CTBP2: variants seen among roughly 807,000 people sequenced by gnomAD.
The protein encoded by CTBP2 is C-terminal-binding protein 2.
A neutral mutation model predicts 80.3 loss-of-function variants in CTBP2; 30 were observed. That is an observed-to-expected ratio of 0.37 (90% CI 0.28 to 0.51). CTBP2 has a LOEUF of 0.51. Among genes scored for constraint, CTBP2 ranks in the 20% least tolerant of loss-of-function variants. CTBP2 has a pLI of 0.93. For synonymous variants in CTBP2, 594 were observed against 587.4 expected, an observed-to-expected ratio of 1.01 and a Z score of -0.16; for missense variants, 1,212 against 1,375.3, an observed-to-expected ratio of 0.88 and a Z score of 1.88.
chr10:125,072,438 A>G (rs1158605323), intron 2 of CTBP2, among the ~76,000 whole-genome samples: 1 of 152,106 alleles, frequency 6.6e-6, no homozygotes, highest in Non-Finnish European at 1.5e-5. Flanking sequence ...AACATGGTGA[A>G]ACCTCATCTC....
At chr10:125,079,653 C>G (rs1192639273) in intron 2 of CTBP2, among the ~76,000 whole-genome samples, 1 of 152,162 alleles carries the variant, frequency 6.6e-6, no homozygotes, top group Non-Finnish European at 1.5e-5. Flanking sequence ...CCTGTAATGT[C>G]CCAATATGGA....
chr10:124,991,571 G>A (rs4962715), intron 8 of CTBP2, among the ~76,000 whole-genome samples: 146,665 of 152,170 alleles, frequency 0.96, 70,779 homozygotes, highest in Non-Finnish European at 0.99. Flanking sequence ...TACACAAACT[G>A]AATGCACCCT....
chr10:125,022,637 T>A (rs1175597374), intron 1 of CTBP2, among the ~76,000 whole-genome samples: 1 of 152,214 alleles, frequency 6.6e-6, no homozygotes, highest in Admixed American at 6.5e-5. Context: ...CGGAAGAGGT[T>A]TCCTTGCTCC....
chr10:125,007,028 C>T (rs1477858034), intron 1 of CTBP2, among the ~76,000 whole-genome samples: 2 of 152,234 alleles, frequency 1.3e-5, no homozygotes, highest in African/African-American at 4.8e-5. Context: ...TGCGCAACCA[C>T]GAGGTATGAG....
At chr10:124,994,396 G>A in intron 5 of CTBP2, 73 bp downstream of exon 7, 2 of 1,455,546 alleles carry the variant, frequency 1.4e-6, no homozygotes, top group Non-Finnish European at 1.9e-6. Context: ...TGCCCTCCGT[G>A]TCCCTCTTGT....
intron 1 of CTBP2, among the ~76,000 whole-genome samples, chr10:125,119,178 C>A (rs1444160348): frequency 1.3e-5 from 2 of 152,196 alleles, no homozygotes; most frequent in Non-Finnish European, 2.9e-5. Context: ...GCAGAGGGGT[C>A]TTCAGACATT....
In CTBP2 at chr10:124,994,514, G is replaced by T. The variant is rs995430348; in HGVS notation, c.2355C>A (p.Leu785=). The T allele has an allele frequency of 2.0e-5, 33 of 1,614,016 alleles. No homozygotes were observed. The highest frequency in any genetic ancestry group is 2.7e-5 in the Non-Finnish European group (32 of 1,179,880). ...TGATGAGGTGGTGGTTATGTTCGTT[G>T]AGATTGCAGTGCAAGGAGACGCAGT... Residue 785 remains leucine (L), a synonymous_variant, in exon 5 of 9, where the codon CTC becomes CTA. Transcript: ENST00000309035.
intron 1 of CTBP2, among the ~76,000 whole-genome samples, chr10:125,011,316 T>C (rs1955870927): frequency 6.6e-6 from 1 of 152,202 alleles, no homozygotes; most frequent in South Asian, 2.1e-4. Flanking sequence ...AAAACATGTA[T>C]CTGAATGAGT....
chr10:125,074,035 G>A (rs1845919374), intron 2 of CTBP2, among the ~76,000 whole-genome samples: 1 of 152,114 alleles, frequency 6.6e-6, no homozygotes, highest in South Asian at 2.1e-4. Flanking sequence ...CAGCACTGTT[G>A]GTATTTTAGG....
intron 6 of CTBP2, 78 bp downstream of exon 8, chr10:124,993,777 C>T (rs1032059888): frequency 6.6e-7 from 1 of 1,512,422 alleles, no homozygotes; most frequent in African/African-American, 1.4e-5. Flanking sequence ...GGGAAAAGGG[C>T]CTCGAGTTCA....
intron 2 of CTBP2, among the ~76,000 whole-genome samples, chr10:125,083,463 G>A (rs1285827553): frequency 6.6e-6 from 1 of 152,132 alleles, no homozygotes; most frequent in Non-Finnish European, 1.5e-5. Flanking sequence ...CCCCCGACCT[G>A]GGCGAGGATA....
chr10:125,078,003 G>A (rs1442159841), intron 2 of CTBP2, among the ~76,000 whole-genome samples: 2 of 152,152 alleles, frequency 1.3e-5, no homozygotes, highest in Non-Finnish European at 2.9e-5. Context: ...TTCTCAGGCC[G>A]GGCGCGGTGG....
intron 2 of CTBP2, among the ~76,000 whole-genome samples, chr10:125,069,887 T>TC (rs374304058): frequency 0.045 from 2,895 of 64,606 alleles, 77 homozygotes; most frequent in African/African-American, 0.13. Flanking sequence ...CCTGCCCCCC[T>TC]CCCCCCCCCA....
chr10:125,055,517 C>G (rs1433778819), intron 2 of CTBP2, among the ~76,000 whole-genome samples: 4 of 152,258 alleles, frequency 2.6e-5, no homozygotes, highest in Non-Finnish European at 1.5e-5. Flanking sequence ...CACTCCTAGT[C>G]CTATGTCCTT....
rs367905465 is a variant in CTBP2 at position 125,026,272 on chromosome 10, G to A, written c.1488C>T (p.Asn496=). The stretch of plus-strand genomic sequence containing the variant: ...GGCTGGGCAGCGGAGAGGCGGCCAC[G>A]TTGCGCTCCCTCTTTAGCAGCTCCA... The change falls in exon 1 of 9, where the codon AAC becomes AAT. Residue 496 remains asparagine (N), a synonymous_variant. Coordinates refer to ENST00000309035, the MANE Select transcript of CTBP2 (RefSeq NM_022802.3). 30 of 1,613,762 alleles carry A rather than the reference G, an allele frequency of 1.9e-5. No individual in the cohort carries two copies. The highest frequency in any genetic ancestry group is 1.6e-4 in the Middle Eastern group (1 of 6,084).
chr10:125,063,783 A>G (rs1844203130), intron 2 of CTBP2, among the ~76,000 whole-genome samples: 1 of 152,220 alleles, frequency 6.6e-6, no homozygotes, highest in African/African-American at 2.4e-5. Flanking sequence ...AAAGTAAACA[A>G]AAGCATTAAG....
chr10:125,144,042 G>A (rs559698758), intron 1 of CTBP2, among the ~76,000 whole-genome samples: 3 of 152,260 alleles, frequency 2.0e-5, no homozygotes, highest in East Asian at 3.9e-4. Context: ...CTCAAACCAA[G>A]AAGAGCAATT....
intron 2 of CTBP2, among the ~76,000 whole-genome samples, chr10:125,077,564 T>A (rs1208327537): frequency 6.6e-6 from 1 of 152,198 alleles, no homozygotes; most frequent in South Asian, 2.1e-4. Flanking sequence ...GTTCATTTTT[T>A]GAAGGGATCA....
intron 2 of CTBP2, among the ~76,000 whole-genome samples, chr10:125,104,494 T>C (rs1221905308): frequency 2.0e-5 from 3 of 152,192 alleles, no homozygotes; most frequent in African/African-American, 7.2e-5. Flanking sequence ...GAAACCACAT[T>C]ATGAAATATG....
Sources: allele counts gnomAD v4.1 joint callset (sites outside exome capture counted in the v4.1 genomes callset), GRCh38; gene constraint gnomAD v4.1.1; transcripts MANE v1.5; gene names NCBI Gene and HGNC (gene_info 2026-07-23, HGNC 2026-07-21).